The following TCFL5 variants were observed in gnomAD, a reference collection of about 807,000 sequenced individuals.
TCFL5 encodes transcription factor like 5.
Under a neutral mutation model 44.3 loss-of-function variants are expected in TCFL5, and 9 were observed. The observed-to-expected ratio is 0.20, with a 90% CI of 0.12 to 0.35. The LOEUF (loss-of-function observed/expected upper bound fraction) is 0.35, where lower values mean the gene tolerates loss of function less well. Among genes scored for constraint, TCFL5 ranks in the 10% least tolerant of loss-of-function variants. The probability of loss-of-function intolerance (pLI) is 1.00; values close to 1 mark genes in which losing one functional copy is unlikely to be tolerated. For synonymous variants in TCFL5, 319 were observed against 271.6 expected, an observed-to-expected ratio of 1.17 and a Z score of -1.72; for missense variants, 603 against 613.4, an observed-to-expected ratio of 0.98 and a Z score of 0.18.
intron 5 of TCFL5, among the ~76,000 whole-genome samples, chr20:62,849,880 A>C (rs1318328763): frequency 1.3e-5 from 2 of 152,112 alleles, no homozygotes; most frequent in Admixed American, 1.3e-4. Context: ...GCTTGAGCCC[A>C]GGAGGCAGAG....
Position 62,860,180 on chromosome 20 carries a change from A to T in TCFL5, c.776T>A (p.Leu259Gln). 6.2e-7 allele frequency: 1 copy of T among 1,613,832 alleles called. No homozygotes were observed. Among genetic ancestry groups the T allele is most frequent in the Non-Finnish European group, 8.5e-7 (1 of 1,179,706 alleles). ...AGTAGAGCAAGCATTTGTAGTAAAC[A>T]GTGGGTATGTAAATTGCAAAGCAGT... ...TTTALQFTYP[L>Q]FTTNACSTSG... The change falls in exon 2 of 6, where the codon CTG becomes CAG. Residue 259 changes from leucine (L) to glutamine (Q), a missense_variant. Physicochemically the swap from Leu to Gln is moderately radical, Grantham distance 113. Around this residue, in one of 4 missense-constraint regions of TCFL5, gnomAD observed 540 missense variants for 478.7 expected, o/e 1.13. Coordinates refer to ENST00000335351, the MANE Select transcript of TCFL5 (RefSeq NM_006602.4).
chr20:62,846,871 A>G (rs1568777850), intron 5 of TCFL5, among the ~76,000 whole-genome samples: 2 of 152,124 alleles, frequency 1.3e-5, no homozygotes, highest in African/African-American at 2.4e-5. Flanking sequence ...AGTCAGGAAA[A>G]TATACCAGGA....
chr20:62,855,913 A>G (rs1001972553), intron 4 of TCFL5, among the ~76,000 whole-genome samples: 1 of 152,202 alleles, frequency 6.6e-6, no homozygotes, highest in African/African-American at 2.4e-5. Flanking sequence ...TACTCGATAC[A>G]TTATGTAGTT....
At chr20:62,846,204 C>G in intron 5 of TCFL5, 1 of 925,560 alleles carries the variant, frequency 1.1e-6, no homozygotes, top group African/African-American at 1.7e-5. Context: ...AATAATCATC[C>G]TCAGACATAA....
At chr20:62,844,562 T>G (rs554726239) in intron 5 of TCFL5, among the ~76,000 whole-genome samples, 35 of 141,440 alleles carry the variant, frequency 2.5e-4, no homozygotes, top group Middle Eastern at 3.6e-3. Flanking sequence ...TTTTTTTCTG[T>G]TTTTTTTTGT....
intron 4 of TCFL5, among the ~76,000 whole-genome samples, chr20:62,855,540 G>A (rs1027751917): frequency 6.6e-6 from 1 of 152,210 alleles, no homozygotes; most frequent in Non-Finnish European, 1.5e-5. Flanking sequence ...GCCGAGGCAC[G>A]TGGATCACCT....
chr20:62,861,328 C>T lies in TCFL5; in HGVS notation c.343G>A (p.Ala115Thr). Residue 115 changes from alanine to threonine, a missense_variant, in exon 1 of 6, where the codon GCG (alanine) becomes ACG (threonine). Ala to Thr is a moderately conservative substitution (Grantham distance 58, BLOSUM62 0). Coordinates refer to ENST00000335351, the MANE Select transcript of TCFL5 (RefSeq NM_006602.4). This position sits in a 1 kb window ranked among gnomAD's most constrained non-coding sequence, Gnocchi z 4.0. ...TGGCCCAGGCAGGGCGCGTCGGCCG[C>T]CAGCGCGGACGGGCACAGCACGGGG... ...VYPVLCPSALAADAPCLGHID... is the reference protein window; with the variant it reads ...VYPVLCPSALTADAPCLGHID... The T allele has an allele frequency of 1.7e-6, 2 of 1,144,156 alleles. No individual in the cohort carries two copies. Among genetic ancestry groups the T allele is most frequent in the South Asian group, 2.3e-5 (1 of 43,358 alleles). The allele number at this position is 1,144,156 out of a possible 1,614,324, so 70.9% of individuals were successfully genotyped here.
chr20:62,856,914 A>C (rs60164235), intron 4 of TCFL5, among the ~76,000 whole-genome samples: 40,093 of 151,944 alleles, frequency 0.26, 5,406 homozygotes, highest in Middle Eastern at 0.33. Flanking sequence ...ACACTGAACA[A>C]CTGCTTTCCT....
chr20:62,846,504 A>G (rs959610081), intron 5 of TCFL5, among the ~76,000 whole-genome samples: 1 of 152,246 alleles, frequency 6.6e-6, no homozygotes, highest in East Asian at 1.9e-4. Flanking sequence ...AACAGAACAT[A>G]TGTGAAATCG....
At chr20:62,845,172 G>T (rs926509527) in intron 5 of TCFL5, 2 of 977,780 alleles carry the variant, frequency 2.0e-6, no homozygotes, top group African/African-American at 3.5e-5. Flanking sequence ...CCCAGACTGG[G>T]GTGCAATGGC....
intron 3 of TCFL5, among the ~76,000 whole-genome samples, chr20:62,858,261 C>T (rs2063926626): frequency 6.6e-6 from 1 of 152,238 alleles, no homozygotes; most frequent in Non-Finnish European, 1.5e-5. Flanking sequence ...GAACTGTATC[C>T]ATCAAAGGAC....
rs1453144460 is a variant in TCFL5 at position 62,842,564 on chromosome 20, C to G, written c.1381-467G>C. 6.6e-6 allele frequency among the ~76,000 whole-genome samples: 1 copy of G among 152,128 alleles called. No individual in the cohort carries two copies. Among genetic ancestry groups the G allele is most frequent in the Non-Finnish European group, 1.5e-5 (1 of 68,036 alleles). On this transcript the variant is annotated intron_variant, in intron 5 of 5. Coordinates refer to ENST00000335351, the MANE Select transcript of TCFL5 (RefSeq NM_006602.4). This position sits in a 1 kb window ranked among gnomAD's most constrained non-coding sequence, Gnocchi z 4.3. ...ATCACCTGACGTCAGGAGTTCAGGA[C>G]CAGCCTGATTAACATGGTGAAACCC...
intron 5 of TCFL5, among the ~76,000 whole-genome samples, chr20:62,849,351 A>G (rs1168232181): frequency 6.6e-6 from 1 of 152,146 alleles, no homozygotes; most frequent in Non-Finnish European, 1.5e-5. Flanking sequence ...AATTACACCA[A>G]AATTTAAAAT....
chr20:62,857,358 T>C (rs777561354), intron 4 of TCFL5, 37 bp downstream of exon 4: 1 of 1,609,622 alleles, frequency 6.2e-7, no homozygotes, highest in Non-Finnish European at 8.5e-7. Context: ...AAGGTAATCA[T>C]ATATGAGTCA....
At chr20:62,845,491 T>C (rs1471131522) in intron 5 of TCFL5, 8 of 1,401,766 alleles carry the variant, frequency 5.7e-6, no homozygotes, top group Non-Finnish European at 6.5e-6. Flanking sequence ...ATTTCCTATA[T>C]TCTGACACCT....
chr20:62,853,027 C>G, intron 5 of TCFL5: 1 of 1,257,548 alleles, frequency 8.0e-7, no homozygotes, highest in Non-Finnish European at 1.0e-6. Context: ...GTCACCCGGT[C>G]CACAGAAGCA....
At chr20:62,860,035 G>T (rs1194766484) in intron 2 of TCFL5, 90 bp downstream of exon 2, 2 of 1,323,880 alleles carry the variant, frequency 1.5e-6, no homozygotes, top group African/African-American at 1.5e-5. Context: ...TCACTGAAGG[G>T]AAAAAAAAGT....
intron 5 of TCFL5, among the ~76,000 whole-genome samples, chr20:62,847,827 T>C (rs780619968): frequency 1.1e-4 from 17 of 152,184 alleles, no homozygotes; most frequent in South Asian, 2.1e-4. Context: ...CTGGCCAATA[T>C]GGCAAAACTC....
At chr20:62,850,340 T>C (rs1299249092) in intron 5 of TCFL5, among the ~76,000 whole-genome samples, 1 of 151,852 alleles carries the variant, frequency 6.6e-6, no homozygotes, top group Non-Finnish European at 1.5e-5. Context: ...CCCATACTTA[T>C]CTATCCCCTG....
Sources: allele counts gnomAD v4.1 joint callset (sites outside exome capture counted in the v4.1 genomes callset), GRCh38; gene constraint gnomAD v4.1.1; regional missense constraint gnomAD v4.1.1; non-coding constraint Gnocchi (gnomAD v3.1); transcripts MANE v1.5; gene names NCBI Gene and HGNC (gene_info 2026-07-23, HGNC 2026-07-21).